CPAMD8: variants seen among roughly 807,000 people sequenced by gnomAD.
The protein encoded by CPAMD8 is C3 and PZP-like alpha-2-macroglobulin domain-containing protein 8.
A neutral mutation model predicts 224.7 loss-of-function variants in CPAMD8; 146 were observed. The ratio of observed to expected loss-of-function variants is 0.65; its 90% CI spans 0.57 to 0.75. The LOEUF (loss-of-function observed/expected upper bound fraction) is 0.75. CPAMD8 is among the 30% of genes least tolerant of loss of function. CPAMD8 has a pLI of 0.00. For synonymous variants in CPAMD8, 966 were observed against 1,044.6 expected (o/e 0.92, Z 1.45); for missense variants, 2,301 against 2,537.5 (o/e 0.91, Z 2.00).
intron 10 of CPAMD8, among the ~76,000 whole-genome samples, chr19:16,998,353 G>A (rs1421664913): frequency 6.6e-6 from 1 of 152,194 alleles, no homozygotes; most frequent in African/African-American, 2.4e-5. Flanking sequence ...ACAGCTACAT[G>A]GGAGGCTGAG....
chr19:16,996,300 T>G (rs1215276434), intron 11 of CPAMD8, among the ~76,000 whole-genome samples: 1 of 152,156 alleles, frequency 6.6e-6, no homozygotes, highest in Non-Finnish European at 1.5e-5. Flanking sequence ...ATCTCACCAC[T>G]GCACTCCAGC....
chr19:16,916,631 C>A (rs974280761), intron 27 of CPAMD8, among the ~76,000 whole-genome samples: 1 of 151,664 alleles, frequency 6.6e-6, no homozygotes, highest in African/African-American at 2.4e-5. Flanking sequence ...CCCAGCTACT[C>A]GGGAGGCTGA....
intron 3 of CPAMD8, among the ~76,000 whole-genome samples, chr19:17,012,175 T>C (rs1043924910): frequency 3.3e-5 from 5 of 151,888 alleles, no homozygotes; most frequent in South Asian, 2.1e-4. Flanking sequence ...TGTGTCACCA[T>C]GCCTGGCTAA....
Position 16,993,663 on chromosome 19 carries a change from C to T in CPAMD8, c.1096-77G>A. On this transcript the variant is annotated intron_variant, in intron 11 of 41. Transcript: ENST00000443236. ...AACTGATCTGCAGAATCAACGCAAT[C>T]CCCACTGGAATCCCAGCAGGCTTCT... is the stretch of plus-strand genomic sequence containing the variant. 3.8e-6 allele frequency: 5 copies of T among 1,327,684 alleles called. No individual in the cohort carries two copies. In the South Asian group the frequency reaches 5.3e-5, roughly 14 times the overall value. 82.2% of individuals were successfully genotyped at this position (1,327,684 alleles called of 1,614,324 possible). A position where few individuals can be genotyped will look rare whatever the true frequency, so the allele number is the denominator to read the frequency against.
chr19:16,921,891 C>G lies in CPAMD8; in HGVS notation c.3629+14G>C, dbSNP rs969156882. 1 of 1,527,484 alleles carries G rather than the reference C, an allele frequency of 6.5e-7. No individual in the cohort carries two copies. The highest frequency in any genetic ancestry group is 1.4e-5 in the African/African-American group (1 of 72,876). 94.6% of individuals were successfully genotyped at this position (1,527,484 alleles called of 1,614,324 possible). Reference sequence around the variant, plus strand: ...GGAGCCTCAGAGGCAATGCCCAGGGCGGTGGGGACTCACCACATGCTCCCC... The same window carrying G: ...GGAGCCTCAGAGGCAATGCCCAGGGGGGTGGGGACTCACCACATGCTCCCC... On this transcript the variant is annotated intron_variant, in intron 27 of 41. Transcript: ENST00000443236.
chr19:17,009,773 C>CAAA (rs561836442), intron 5 of CPAMD8, among the ~76,000 whole-genome samples: 1 of 126,672 alleles, frequency 7.9e-6, no homozygotes. Flanking sequence ...GACTCCGTCT[C>CAAA]AAAAAAAAAA....
At position 16,899,005 on chromosome 19, in the gene CPAMD8, C is replaced by T. The variant is rs2052144331; in HGVS notation, c.4848+470G>A. On this transcript the variant is annotated intron_variant, in intron 37 of 41. Coordinates refer to ENST00000443236, the MANE Select transcript of CPAMD8 (RefSeq NM_015692.5). This position sits in a 1 kb window ranked among gnomAD's most constrained non-coding sequence, Gnocchi z 5.4. ...GCACAATCTCAGGTCACCACAACCT[C>T]CGCCTCCCAGGTTCAAACGACTCTC... is the stretch of plus-strand genomic sequence containing the variant. Among the ~76,000 whole-genome samples the T allele has an allele frequency of 6.6e-6, 1 of 152,120 alleles. No individual in the cohort carries two copies. Among genetic ancestry groups the T allele is most frequent in the South Asian group, 2.1e-4 (1 of 4,828 alleles).
chr19:16,930,671 C>T (rs1217843218), intron 23 of CPAMD8, among the ~76,000 whole-genome samples: 1 of 152,062 alleles, frequency 6.6e-6, no homozygotes, highest in Non-Finnish European at 1.5e-5. Context: ...TGGGAGAGCC[C>T]CTAGATCCTC....
intron 1 of CPAMD8, among the ~76,000 whole-genome samples, chr19:17,023,727 G>A (rs967088011): frequency 6.6e-5 from 10 of 151,984 alleles, no homozygotes; most frequent in South Asian, 4.1e-4. Context: ...GACTACAGGC[G>A]TGCACCACCA....
intron 25 of CPAMD8, 94 bp downstream of exon 25, chr19:16,927,915 T>A: frequency 1.1e-6 from 1 of 912,040 alleles, no homozygotes. Context: ...AAGACACAGG[T>A]CCCCAGCAAA....
intron 11 of CPAMD8, among the ~76,000 whole-genome samples, chr19:16,994,554 T>C (rs1187948248): frequency 7.2e-6 from 1 of 139,634 alleles, no homozygotes; most frequent in African/African-American, 2.7e-5. Context: ...AGAGTCTTGC[T>C]CTGTTGCCCA....
chr19:16,999,739 C>A (rs1191607272), intron 10 of CPAMD8, among the ~76,000 whole-genome samples: 1 of 152,162 alleles, frequency 6.6e-6, no homozygotes, highest in African/African-American at 2.4e-5. Context: ...GCCTTGAACT[C>A]CTGAGCTCAA....
chr19:16,954,650 C>T (rs2054405324), intron 19 of CPAMD8, among the ~76,000 whole-genome samples: 1 of 152,094 alleles, frequency 6.6e-6, no homozygotes, highest in Non-Finnish European at 1.5e-5. Flanking sequence ...AATGGATAAA[C>T]AAAATGAGGG....
At chr19:16,985,909 T>TC (rs1174695469) in intron 13 of CPAMD8, among the ~76,000 whole-genome samples, 6 of 151,914 alleles carry the variant, frequency 3.9e-5, no homozygotes, top group Non-Finnish European at 7.4e-5. Flanking sequence ...TAGGTGAAAG[T>TC]CTCATGGTTG....
chr19:17,024,532 G>C (rs984748396), intron 1 of CPAMD8, among the ~76,000 whole-genome samples: 3 of 152,222 alleles, frequency 2.0e-5, no homozygotes, highest in African/African-American at 7.2e-5. Context: ...ATAGTACATG[G>C]TGAGTGTAGA....
In CPAMD8 at chr19:16,987,166, AAAAAAAAAAAAAAATATATATATAT is replaced by A. The variant is rs1226988265; in HGVS notation, c.1395+2452_1395+2476del. Among the ~76,000 whole-genome samples, 53 of 104,074 alleles carry A rather than the reference AAAAAAAAAAAAAAATATATATATAT, an allele frequency of 5.1e-4. No individual in the cohort carries two copies. In the Middle Eastern group the frequency reaches 0.013, roughly 26 times the overall value. 68.3% of individuals were successfully genotyped at this position (104,074 alleles called of 152,430 possible). ...AGAGACTCTGTCAAAAAAAAAAAAA[AAAAAAAAAAAAAAATATATATATAT>A]ATATATATATATATATATGTATATG... On this transcript the variant is annotated intron_variant, in intron 13 of 41. Transcript: ENST00000443236.
At chr19:16,963,681 C>T (rs1377908841) in intron 18 of CPAMD8, among the ~76,000 whole-genome samples, 2 of 152,164 alleles carry the variant, frequency 1.3e-5, no homozygotes, top group Admixed American at 6.6e-5. Flanking sequence ...CTCAGCTCTG[C>T]ACCAAGCAGA....
chr19:16,943,826 C>A (rs62129667), intron 22 of CPAMD8, among the ~76,000 whole-genome samples: 1 of 152,006 alleles, frequency 6.6e-6, no homozygotes, highest in South Asian at 2.1e-4. Flanking sequence ...ACGCTTCCAT[C>A]CGAATCTGGG....
chr19:17,011,521 AAG>A lies in CPAMD8; in HGVS notation c.434-7_434-6del. 1 of 1,614,156 alleles carries A rather than the reference AAG, an allele frequency of 6.2e-7. No homozygotes were observed. Among genetic ancestry groups the A allele is most frequent in the Non-Finnish European group, 8.5e-7 (1 of 1,180,024 alleles). On this transcript the variant is annotated splice_region_variant and splice_polypyrimidine_tract_variant and intron_variant, in intron 4 of 41. Transcript: ENST00000443236. Reference sequence around the variant, plus strand: ...CGGTGAAGATGCTTATGAGCACTAGAAGAAAGAAGAGAGGCGTGTGACACCTC... The same window carrying A: ...CGGTGAAGATGCTTATGAGCACTAGAAAAGAAGAGAGGCGTGTGACACCTC...
Sources: gnomAD v4.1 joint callset for allele counts (sites outside exome capture counted in the v4.1 genomes callset) on GRCh38, gnomAD v4.1.1 for gene constraint, Gnocchi (gnomAD v3.1) non-coding constraint, MANE v1.5 for transcripts, NCBI Gene and HGNC (gene_info 2026-07-23, HGNC 2026-07-21) for gene names.